Variants in VRK2 observed in about 807,000 individuals in gnomAD.
The protein encoded by VRK2 is serine/threonine-protein kinase VRK2.
In VRK2, 60 loss-of-function variants were observed where a neutral mutation model predicts 57.6. The observed-to-expected ratio is 1.04, with a 90% confidence interval of 0.85 to 1.29. VRK2 has a LOEUF of 1.29. Ranked by LOEUF, VRK2 falls within the 50% of genes most tolerant of loss-of-function variation. The probability of loss-of-function intolerance (pLI) is 0.00; values close to 1 mark genes in which losing one functional copy is unlikely to be tolerated. For missense variants in VRK2, 705 were observed against 588.1 expected, an observed-to-expected ratio of 1.20 and a Z score of -2.06; for synonymous variants, 231 against 199.2, an observed-to-expected ratio of 1.16 and a Z score of -1.35.
chr2:58,084,095 C>G lies in VRK2; in HGVS notation c.143C>G (p.Pro48Arg). ...GGFGLIYLAFPTNKPEKDARH... is the reference protein window; with the variant it reads ...GGFGLIYLAFRTNKPEKDARH... Reference sequence around the variant, plus strand: ...GTGTTTTTTTTGTCTGCAGCTTTCCCCACAAATAAACCAGAGAAAGATGCA... The same window carrying G: ...GTGTTTTTTTTGTCTGCAGCTTTCCGCACAAATAAACCAGAGAAAGATGCA... The change falls in exon 3 of 13, where the codon CCC becomes CGC. Residue 48 changes from proline to arginine, a missense_variant. Coordinates refer to ENST00000340157, the MANE Select transcript of VRK2 (RefSeq NM_006296.7). 6.2e-7 allele frequency: 1 copy of G among 1,604,360 alleles called. No homozygotes were observed. The highest frequency in any genetic ancestry group is 1.1e-5 in the South Asian group (1 of 89,090).
intron 12 of VRK2, among the ~76,000 whole-genome samples, chr2:58,149,950 AC>A (rs1682738729): frequency 6.8e-6 from 1 of 146,986 alleles, no homozygotes; most frequent in South Asian, 2.2e-4. Flanking sequence ...AGGTTTTTAT[AC>A]CTAGACTGAT....
intron 1 of VRK2, among the ~76,000 whole-genome samples, chr2:58,025,114 G>A (rs954448679): frequency 6.6e-6 from 1 of 152,128 alleles, no homozygotes; most frequent in African/African-American, 2.4e-5. Flanking sequence ...TAGTAGAGTG[G>A]CTAATAGCAC....
chr2:58,049,048 A>G (rs1480821131), intron 2 of VRK2, 81 bp downstream of exon 2: 1 of 1,494,980 alleles, frequency 6.7e-7, no homozygotes, highest in African/African-American at 1.4e-5. Flanking sequence ...TTAAGAATGG[A>G]AATATGGAAT....
At chr2:58,117,223 A>G (rs2104451223) in intron 7 of VRK2, among the ~76,000 whole-genome samples, 1 of 152,254 alleles carries the variant, frequency 6.6e-6, no homozygotes, top group African/African-American at 2.4e-5. Flanking sequence ...TTTATATTTG[A>G]TGAAAAAGAG....
intron 8 of VRK2, among the ~76,000 whole-genome samples, chr2:58,128,743 C>G (rs1161343029): frequency 6.6e-6 from 1 of 152,188 alleles, no homozygotes; most frequent in African/African-American, 2.4e-5. Context: ...TTTAACCTCT[C>G]TGAGACTCCA....
intron 1 of VRK2, among the ~76,000 whole-genome samples, chr2:57,983,055 T>G (rs571007005): frequency 5.9e-5 from 9 of 152,304 alleles, no homozygotes; most frequent in African/African-American, 2.2e-4. Flanking sequence ...ATCCTGACAC[T>G]GGGCCACTCT....
At chr2:58,021,102 A>G (rs1199179789) in intron 1 of VRK2, among the ~76,000 whole-genome samples, 1 of 152,220 alleles carries the variant, frequency 6.6e-6, no homozygotes, top group East Asian at 1.9e-4. Flanking sequence ...ATTTTGGAAG[A>G]GCTAAACAGC....
chr2:57,936,070 C>T (rs1259390948), intron 1 of VRK2, among the ~76,000 whole-genome samples: 1 of 152,068 alleles, frequency 6.6e-6, no homozygotes, highest in Non-Finnish European at 1.5e-5. Context: ...ATGTAGCTCC[C>T]ATCATCTTTA....
At chr2:58,153,629 G>A (rs1312803204) in intron 12 of VRK2, among the ~76,000 whole-genome samples, 1 of 151,980 alleles carries the variant, frequency 6.6e-6, no homozygotes, top group Non-Finnish European at 1.5e-5. Context: ...ATTTTAATGA[G>A]GAGTTTTACA....
In VRK2 at chr2:58,084,890, G is replaced by T; in HGVS notation, c.196G>T (p.Glu66Ter). ...ATTCTTTTTTTTATAGGAATATCAA[G>T]AAAATGGCCCGTTATTTTCAGAACT... is the stretch of plus-strand genomic sequence containing the variant. ...ARHVVKVEYQ[E>*]NGPLFSELKF... Residue 66 changes from glutamate (E) to a stop codon, truncating the protein, a stop_gained, in exon 4 of 13, where the codon GAA becomes TAA. Coordinates refer to ENST00000340157, the MANE Select transcript of VRK2 (RefSeq NM_006296.7). LOFTEE classifies it high-confidence loss of function. 6.4e-7 allele frequency: 1 copy of T among 1,573,734 alleles called. No individual in the cohort carries two copies. Among genetic ancestry groups the T allele is most frequent in the Non-Finnish European group, 8.6e-7 (1 of 1,159,924 alleles).
intron 7 of VRK2, among the ~76,000 whole-genome samples, chr2:58,093,325 G>A (rs545283713): frequency 6.6e-6 from 1 of 152,200 alleles, no homozygotes; most frequent in Non-Finnish European, 1.5e-5. Flanking sequence ...TCCAGCGCCT[G>A]TTGTTTCCTG....
At chr2:58,021,153 G>GA (rs1466685451) in intron 1 of VRK2, among the ~76,000 whole-genome samples, 7 of 152,062 alleles carry the variant, frequency 4.6e-5, no homozygotes, top group African/African-American at 1.2e-4. Context: ...CTTTTTGTGG[G>GA]AAAAAATCAC....
intron 1 of VRK2, among the ~76,000 whole-genome samples, chr2:57,965,745 A>G (rs1671897183): frequency 6.6e-6 from 1 of 152,130 alleles, no homozygotes; most frequent in African/African-American, 2.4e-5. Flanking sequence ...GACAACATCC[A>G]TTTCATGAGA....
At chr2:58,036,017 C>A (rs2103707868) in intron 3 of VRK2, among the ~76,000 whole-genome samples, 2 of 152,150 alleles carry the variant, frequency 1.3e-5, no homozygotes, top group East Asian at 3.9e-4. Context: ...GGCTTATAAG[C>A]ATCCTCTTAA....
chr2:58,139,780 A>G lies in VRK2; in HGVS notation c.971A>G (p.Asp324Gly). ...NPHGIPLGPL[D>G]FSTKGQSINV... The stretch of plus-strand genomic sequence containing the variant: ...CATGGAATACCTTTAGGACCACTGG[A>G]CTTTTCCACAAAAGGACAGAGTATA... The change falls in exon 11 of 13, where the codon GAC becomes GGC. Residue 324 changes from aspartate (D) to glycine (G), a missense_variant. Physicochemically the swap from Asp to Gly is moderately conservative, Grantham distance 94 (BLOSUM62 -1). Coordinates refer to ENST00000340157, the MANE Select transcript of VRK2 (RefSeq NM_006296.7). 6.2e-7 allele frequency: 1 copy of G among 1,613,178 alleles called. No individual in the cohort carries two copies.
chr2:57,968,240 A>G (rs540340966), intron 1 of VRK2, among the ~76,000 whole-genome samples: 27 of 152,158 alleles, frequency 1.8e-4, no homozygotes, highest in African/African-American at 6.5e-4. Context: ...AGTAATGTAA[A>G]TCACGAAAGA....
chr2:58,117,613 A>G (rs1293849399), intron 7 of VRK2, among the ~76,000 whole-genome samples: 2 of 152,174 alleles, frequency 1.3e-5, no homozygotes, highest in Admixed American at 1.3e-4. Flanking sequence ...GATGTGTAAA[A>G]GAATGCCTGG....
chr2:58,078,124 T>C (rs1363556967), intron 2 of VRK2, among the ~76,000 whole-genome samples: 1 of 152,156 alleles, frequency 6.6e-6, no homozygotes, highest in African/African-American at 2.4e-5. Context: ...ACTGAAACTC[T>C]ATATTCATTA....
At chr2:57,920,175 T>C (rs2103904078) in intron 1 of VRK2, among the ~76,000 whole-genome samples, 1 of 152,192 alleles carries the variant, frequency 6.6e-6, no homozygotes, top group Non-Finnish European at 1.5e-5. Flanking sequence ...AAAGAGAAGC[T>C]TATCAAATAA....
Sources: gnomAD v4.1 joint callset for allele counts (sites outside exome capture counted in the v4.1 genomes callset) on GRCh38, gnomAD v4.1.1 for gene constraint, MANE v1.5 for transcripts, NCBI Gene and HGNC (gene_info 2026-07-23, HGNC 2026-07-21) for gene names.